SLC9A3: variants seen among roughly 807,000 people sequenced by gnomAD.
SLC9A3 encodes the protein solute carrier family 9 member A3, also known as sodium/hydrogen exchanger 3.
Under a neutral mutation model 86.8 loss-of-function variants are expected in SLC9A3, and 37 were observed. That is an observed-to-expected ratio of 0.43 (90% CI 0.33 to 0.56). The LOEUF (loss-of-function observed/expected upper bound fraction) is 0.56, where lower values mean the gene tolerates loss of function less well. Among genes scored for constraint, SLC9A3 ranks in the 20% least tolerant of loss-of-function variants. The pLI is 0.06. For missense variants in SLC9A3, 1,011 were observed against 1,171.9 expected (o/e 0.86, Z 2.00); for synonymous variants, 581 against 528.3 (o/e 1.10, Z -1.37).
intron 1 of SLC9A3, among the ~76,000 whole-genome samples, chr5:495,361 C>A (rs1739976330): frequency 7.0e-6 from 1 of 142,988 alleles, no homozygotes; most frequent in Non-Finnish European, 1.6e-5. Context: ...AACTCTGTGC[C>A]CTGGGGACTC....
chr5:517,253 TCA>T, intron 1 of SLC9A3, among the ~76,000 whole-genome samples: 1 of 52,410 alleles, frequency 1.9e-5, no homozygotes, highest in South Asian at 4.8e-4. Context: ...GTCCATTCAC[TCA>T]CTCACTCATT....
At chr5:524,070 G>T in intron 1 of SLC9A3, 42 bp downstream of exon 1, 1 of 1,355,794 alleles carries the variant, frequency 7.4e-7, no homozygotes, top group Non-Finnish European at 9.9e-7. Flanking sequence ...AGAGGCGGCC[G>T]CACACCCCGC....
At chr5:516,657 A>T (rs1478648681) in intron 1 of SLC9A3, among the ~76,000 whole-genome samples, 2 of 152,152 alleles carry the variant, frequency 1.3e-5, no homozygotes, top group African/African-American at 2.4e-5. Context: ...AGGCCAGGTG[A>T]GCGTGGTTTC....
At chr5:499,907 G>A (rs922881533) in intron 1 of SLC9A3, among the ~76,000 whole-genome samples, 1 of 152,228 alleles carries the variant, frequency 6.6e-6, no homozygotes, top group Non-Finnish European at 1.5e-5. Context: ...CCATGGGAGT[G>A]TGGAGGGGCC....
chr5:476,469 T>G, intron 12 of SLC9A3, 74 bp downstream of exon 12: 1 of 1,603,318 alleles, frequency 6.2e-7, no homozygotes, highest in Non-Finnish European at 8.5e-7. Context: ...TCCCCCGTGG[T>G]CCCAGGAGGG....
At chr5:475,896 G>C (rs1438261967) in intron 14 of SLC9A3, 124 bp downstream of exon 14, 7 of 877,608 alleles carry the variant, frequency 8.0e-6, no homozygotes, top group Non-Finnish European at 1.0e-5. Flanking sequence ...TGCCTCCCCT[G>C]CCTGGGTGGC....
In SLC9A3 at chr5:472,740, G is replaced by T; in HGVS notation, c.*639C>A. ...CGCTCGGCCCAGGCCGCTTGCGGGC[G>T]CTGGGCCTGCAGCCGCTGCAGGTCG... On this transcript the variant is annotated 3_prime_UTR_variant, in exon 17 of 17. Transcript: ENST00000264938. The T allele has an allele frequency of 3.5e-6, 2 of 577,736 alleles. No homozygotes were observed. The highest frequency in any genetic ancestry group is 6.6e-6 in the Non-Finnish European group (2 of 305,076). The allele number at this position is 577,736 out of a possible 1,614,324, so 35.8% of individuals were successfully genotyped here.
chr5:520,393 G>A (rs760406955), intron 1 of SLC9A3, among the ~76,000 whole-genome samples: 10 of 152,262 alleles, frequency 6.6e-5, no homozygotes, highest in South Asian at 6.2e-4. Context: ...CGAGGTCAGC[G>A]CAGCAGAGCC....
intron 15 of SLC9A3, 166 bp downstream of exon 15, chr5:475,395 G>A (rs1012700881): frequency 3.2e-6 from 2 of 620,204 alleles, no homozygotes; most frequent in African/African-American, 1.8e-5. Context: ...AGCAGCCTCC[G>A]AGTTGGTTGA....
Position 484,773 on chromosome 5 carries a change from C to T in SLC9A3, c.755-76G>A, listed in dbSNP as rs575727613. 46 of 1,437,094 alleles carry T rather than the reference C, an allele frequency of 3.2e-5. No homozygotes were observed. The East Asian group carries it at 3.4e-4, about 11-fold the overall frequency. 89.0% of individuals were successfully genotyped at this position (1,437,094 alleles called of 1,614,324 possible). A position where few individuals can be genotyped will look rare whatever the true frequency, so the allele number is the denominator to read the frequency against. ...TGCCAGGGGCCGCCTGGTGACCCCG[C>T]GGAAGTGCCGGGAGCCCGGGAAACG... On this transcript the variant is annotated intron_variant, in intron 4 of 16. Transcript: ENST00000264938.
chr5:491,633 G>C lies in SLC9A3; in HGVS notation c.514+136C>G. On this transcript the variant is annotated intron_variant, in intron 2 of 16. Transcript: ENST00000264938. This position sits in a 1 kb window ranked among gnomAD's most constrained non-coding sequence, Gnocchi z 9.2. The stretch of plus-strand genomic sequence containing the variant: ...CTTGGTCACGAGGGCCTACGGGGCT[G>C]CCAGCCACGTTTCTCACCTGACACT... The C allele has an allele frequency of 1.3e-6, 1 of 766,672 alleles. No homozygotes were observed. Among genetic ancestry groups the C allele is most frequent in the Non-Finnish European group, 2.0e-6 (1 of 497,774 alleles). The allele number at this position is 766,672 out of a possible 1,614,324, so 47.5% of individuals were successfully genotyped here. A position where few individuals can be genotyped will look rare whatever the true frequency, so the allele number is the denominator to read the frequency against.
chr5:501,486 C>A (rs1740275757), intron 1 of SLC9A3, among the ~76,000 whole-genome samples: 1 of 152,228 alleles, frequency 6.6e-6, no homozygotes, highest in Non-Finnish European at 1.5e-5. Context: ...GGTACCCACC[C>A]TCCCGGGGGA....
intron 3 of SLC9A3, among the ~76,000 whole-genome samples, 164 bp downstream of exon 3, chr5:488,152 C>T (rs889432535): frequency 6.6e-6 from 1 of 152,248 alleles, no homozygotes; most frequent in Non-Finnish European, 1.5e-5. Context: ...AGCTGCCAGT[C>T]GTTCTGAGCT....
intron 1 of SLC9A3, among the ~76,000 whole-genome samples, chr5:516,077 CT>C (rs374323663): frequency 1.9e-4 from 26 of 139,678 alleles, no homozygotes; most frequent in African/African-American, 6.6e-4. Flanking sequence ...CACTCTCCCC[CT>C]AACCCTCATC....
In SLC9A3 at chr5:475,052, C is replaced by G; in HGVS notation, c.2332G>C (p.Gly778Arg). Residue 778 changes from glycine to arginine, a missense_variant, in exon 16 of 17, where the codon GGG becomes CGG. This residue lies in a region of SLC9A3 where 397 missense variants were observed against 346.3 expected (regional missense o/e 1.15). Coordinates refer to ENST00000264938, the MANE Select transcript of SLC9A3 (RefSeq NM_004174.4). ...CTCTGCGAGGGGACCACCGTCTCCC[C>G]GGGAGACAGCCAGGGCGGCAGCCTG... ...LARLPPWLSP[G>R]ETVVPSQRAR... 1 of 1,612,214 alleles carries G rather than the reference C, an allele frequency of 6.2e-7. No homozygotes were observed.
At chr5:514,535 C>T (rs1291373304) in intron 1 of SLC9A3, among the ~76,000 whole-genome samples, 1 of 152,250 alleles carries the variant, frequency 6.6e-6, no homozygotes, top group African/African-American at 2.4e-5. Flanking sequence ...GTGGCTCCCA[C>T]ATCCAGTAGG....
In SLC9A3 at chr5:472,657, G is replaced by C; in HGVS notation, c.*722C>G. 2.1e-6 allele frequency: 1 copy of C among 482,064 alleles called. No homozygotes were observed. The highest frequency in any genetic ancestry group is 1.5e-5 in the South Asian group (1 of 64,664). 29.9% of individuals were successfully genotyped at this position (482,064 alleles called of 1,614,324 possible). ...TAAATCCCCAAACGCTGAGCAGACG[G>C]AAGACGTTCCTGCCACTTTACCTGC... On this transcript the variant is annotated 3_prime_UTR_variant, in exon 17 of 17. Coordinates refer to ENST00000264938, the MANE Select transcript of SLC9A3 (RefSeq NM_004174.4).
intron 1 of SLC9A3, among the ~76,000 whole-genome samples, chr5:518,297 C>T (rs1181687319): frequency 6.6e-6 from 1 of 152,096 alleles, no homozygotes; most frequent in African/African-American, 2.4e-5. Context: ...GTCTGGCATC[C>T]CAGGACCTGG....
chr5:520,231 G>A (rs1038215058), intron 1 of SLC9A3, among the ~76,000 whole-genome samples: 1 of 152,196 alleles, frequency 6.6e-6, no homozygotes, highest in African/African-American at 2.4e-5. Context: ...GGGTACCCAC[G>A]GCCAGACGCC....
Sources: allele counts gnomAD v4.1 joint callset (sites outside exome capture counted in the v4.1 genomes callset), GRCh38; gene constraint gnomAD v4.1.1; regional missense constraint gnomAD v4.1.1; non-coding constraint Gnocchi (gnomAD v3.1); transcripts MANE v1.5; gene names NCBI Gene and HGNC (gene_info 2026-07-23, HGNC 2026-07-21).